The following NR2F1-AS1 variants were observed in gnomAD, a reference collection of about 807,000 sequenced individuals.
NR2F1-AS1 encodes NR2F1 regulatory antisense RNA 1.
Position 93,443,384 on chromosome 5 carries a change from G to A in NR2F1-AS1, n.639-47842C>T, listed in dbSNP as rs573852423. Among the ~76,000 whole-genome samples the A allele has an allele frequency of 5.9e-5, 9 of 152,258 alleles. No homozygotes were observed. In the South Asian group the frequency reaches 6.2e-4, roughly 11 times the overall value. On this transcript the variant is annotated intron_variant and non_coding_transcript_variant, in intron 4 of 5. Transcript: ENST00000660523. ...CTGATGGAGCTGAAAACCATGGCGC[G>A]AGAATTACGGGACGCATGTACAAGC...
At chr5:93,466,904 TG>T (rs34396649) in intron 4 of NR2F1-AS1, among the ~76,000 whole-genome samples, 3,363 of 15,502 alleles carry the variant, frequency 0.22, 244 homozygotes, top group African/African-American at 0.35. Flanking sequence ...ATCCCTTTTT[TG>T]GGGGGGGGGG....
intron 4 of NR2F1-AS1, among the ~76,000 whole-genome samples, chr5:93,509,064 T>C (rs1751243787): frequency 6.6e-6 from 1 of 152,108 alleles, no homozygotes. Flanking sequence ...ACAGCATTGT[T>C]TTAACATTTA....
At chr5:93,562,852 A>T (rs552888402) in intron 2 of NR2F1-AS1, among the ~76,000 whole-genome samples, 2 of 152,366 alleles carry the variant, frequency 1.3e-5, no homozygotes, top group East Asian at 3.9e-4. Flanking sequence ...GAATATCTAT[A>T]CTTCGAGAAC....
chr5:93,517,246 T>C (rs965732548), intron 4 of NR2F1-AS1, among the ~76,000 whole-genome samples: 1 of 152,022 alleles, frequency 6.6e-6, no homozygotes, highest in African/African-American at 2.4e-5. Flanking sequence ...TGCTGATGTA[T>C]GTTTGTGCTG....
At chr5:93,480,089 A>T (rs1750569554) in intron 4 of NR2F1-AS1, among the ~76,000 whole-genome samples, 1 of 152,124 alleles carries the variant, frequency 6.6e-6, no homozygotes, top group African/African-American at 2.4e-5. Flanking sequence ...CAGAAACAGA[A>T]AAGAGAGAAA....
chr5:93,556,928 T>G (rs909756244), intron 2 of NR2F1-AS1, among the ~76,000 whole-genome samples: 2 of 152,216 alleles, frequency 1.3e-5, no homozygotes, highest in Non-Finnish European at 2.9e-5. Context: ...CCATGATTTC[T>G]TTTGCTGAAA....
chr5:93,558,227 T>C (rs1422015952), intron 2 of NR2F1-AS1, among the ~76,000 whole-genome samples: 2 of 152,036 alleles, frequency 1.3e-5, no homozygotes, highest in East Asian at 3.9e-4. Flanking sequence ...GCTAGAAGGG[T>C]GAATCTTTGC....
At chr5:93,475,814 C>A (rs1211655174) in intron 4 of NR2F1-AS1, among the ~76,000 whole-genome samples, 2 of 152,176 alleles carry the variant, frequency 1.3e-5, no homozygotes, top group Non-Finnish European at 2.9e-5. Flanking sequence ...CCTTGACCCC[C>A]CACGTTCACT....
intron 4 of NR2F1-AS1, among the ~76,000 whole-genome samples, chr5:93,430,411 G>A (rs1367481484): frequency 6.6e-6 from 1 of 152,256 alleles, no homozygotes. Context: ...CTGCCTGACG[G>A]GGAACTAAAA....
At chr5:93,577,785 A>G (rs1752929259) in intron 1 of NR2F1-AS1, among the ~76,000 whole-genome samples, 2 of 152,240 alleles carry the variant, frequency 1.3e-5, no homozygotes, top group South Asian at 2.1e-4. Flanking sequence ...CTTTTTCTCA[A>G]TGATTGCAGG....
rs768549704 is a variant in NR2F1-AS1 at position 93,523,821 on chromosome 5, G to A, written n.638+29940C>T. ...GGAATAGCATGAACATCAACAAAAC[G>A]GACAACCACACAAAAACTCCATCTG... On this transcript the variant is annotated intron_variant and non_coding_transcript_variant, in intron 4 of 5. Coordinates refer to ENST00000660523, the Ensembl canonical transcript of NR2F1-AS1. 8.6e-5 allele frequency among the ~76,000 whole-genome samples: 13 copies of A among 151,902 alleles called. No individual in the cohort carries two copies. In the South Asian group the frequency reaches 1.2e-3, roughly 15 times the overall value.
chr5:93,484,178 AC>A (rs1334735628), intron 4 of NR2F1-AS1, among the ~76,000 whole-genome samples: 1 of 152,218 alleles, frequency 6.6e-6, no homozygotes, highest in Non-Finnish European at 1.5e-5. Flanking sequence ...AATGAAGGAA[AC>A]AATGTTAAGG....
At chr5:93,471,326 A>G (rs539487263) in intron 4 of NR2F1-AS1, among the ~76,000 whole-genome samples, 3 of 152,022 alleles carry the variant, frequency 2.0e-5, no homozygotes, top group South Asian at 4.1e-4. Context: ...CTGACCAGTA[A>G]TTCTACTCCT....
chr5:93,538,536 C>T (rs987578527), intron 4 of NR2F1-AS1, among the ~76,000 whole-genome samples: 2 of 152,094 alleles, frequency 1.3e-5, no homozygotes, highest in East Asian at 3.9e-4. Flanking sequence ...AAATGTACAA[C>T]AACAAACAAT....
chr5:93,529,011 C>T (rs533302575), intron 4 of NR2F1-AS1, among the ~76,000 whole-genome samples: 4 of 151,830 alleles, frequency 2.6e-5, no homozygotes, highest in South Asian at 2.1e-4. Flanking sequence ...CAAACCTGCA[C>T]GTTCTGCACA....
At chr5:93,490,021 T>C (rs1343060430) in intron 4 of NR2F1-AS1, among the ~76,000 whole-genome samples, 6 of 152,102 alleles carry the variant, frequency 3.9e-5, no homozygotes, top group Non-Finnish European at 7.4e-5. Flanking sequence ...ATGGAGAAAA[T>C]TGGATTTCCA....
intron 4 of NR2F1-AS1, among the ~76,000 whole-genome samples, chr5:93,468,708 T>C (rs1750299208): frequency 6.6e-6 from 1 of 152,242 alleles, no homozygotes; most frequent in African/African-American, 2.4e-5. Flanking sequence ...GTTTTAGTCA[T>C]GAAGTCTTTG....
At chr5:93,462,693 G>A (rs1750124326) in intron 4 of NR2F1-AS1, among the ~76,000 whole-genome samples, 1 of 152,106 alleles carries the variant, frequency 6.6e-6, no homozygotes, top group Non-Finnish European at 1.5e-5. Context: ...TGAAATCCAG[G>A]CATGGTCTCA....
intron 4 of NR2F1-AS1, among the ~76,000 whole-genome samples, chr5:93,478,090 T>C (rs773154459): frequency 6.6e-6 from 1 of 152,186 alleles, no homozygotes; most frequent in Non-Finnish European, 1.5e-5. Flanking sequence ...TTAAAGAGCA[T>C]TGTCTATAGC....
Sources: gnomAD v4.1 joint callset for allele counts (sites outside exome capture counted in the v4.1 genomes callset) on GRCh38, gnomAD v4.1.1 for gene constraint, MANE v1.5 for transcripts, NCBI Gene and HGNC (gene_info 2026-07-23, HGNC 2026-07-21) for gene names.